COL5A2: variants seen among roughly 807,000 people sequenced by gnomAD.
The protein encoded by COL5A2 is collagen alpha-2(V) chain.
In COL5A2, 23 loss-of-function variants were observed where a neutral mutation model predicts 208.2. That is an observed-to-expected ratio of 0.11 (90% CI 0.08 to 0.16). COL5A2 has a LOEUF of 0.16. Among genes scored for constraint, COL5A2 ranks in the 10% least tolerant of loss-of-function variants. The probability of loss-of-function intolerance (pLI) is 1.00; values close to 1 mark genes in which losing one functional copy is unlikely to be tolerated. For missense variants in COL5A2, 1,590 were observed against 1,956.4 expected (o/e 0.81, Z 3.53); for synonymous variants, 625 against 628.5 (o/e 0.99, Z 0.08).
At chr2:189,343,865 A>G in the COL5A2 span, among the ~76,000 whole-genome samples, 3 of 152,306 alleles carry the variant, frequency 2.0e-5, no homozygotes, top group Admixed American at 2.0e-4. Flanking sequence ...AAACCCTGAC[A>G]CCTCAAAATA....
At chr2:189,282,592 CACACTA>C in the COL5A2 span, among the ~76,000 whole-genome samples, 1 of 152,160 alleles carries the variant, frequency 6.6e-6, no homozygotes, top group Non-Finnish European at 1.5e-5. Flanking sequence ...TAACAGAGGA[CACACTA>C]ACACTAAGAA....
At chr2:189,200,051 G>C (rs949544669) in intron 1 of COL5A2, among the ~76,000 whole-genome samples, 1 of 152,172 alleles carries the variant, frequency 6.6e-6, no homozygotes, top group Non-Finnish European at 1.5e-5. Flanking sequence ...CTACAGTCCA[G>C]TGAAGTAGCT....
intron 1 of COL5A2, among the ~76,000 whole-genome samples, chr2:189,120,942 A>G (rs1028806696): frequency 3.3e-5 from 5 of 152,254 alleles, no homozygotes; most frequent in Admixed American, 3.3e-4. Context: ...TATTCAACAA[A>G]TATTTATCTG....
At chr2:189,097,244 C>T (rs768878384) in intron 6 of COL5A2, 33 bp downstream of exon 6, 23 of 1,608,334 alleles carry the variant, frequency 1.4e-5, no homozygotes, top group Admixed American at 8.3e-5. Context: ...ACTGGCTGTA[C>T]GTTCCCCACA....
At chr2:189,254,787 CTG>C in the COL5A2 span, among the ~76,000 whole-genome samples, 2 of 152,344 alleles carry the variant, frequency 1.3e-5, no homozygotes, top group Admixed American at 6.5e-5. Context: ...GCCAGGAAAA[CTG>C]TGAATCAGAG....
the COL5A2 span, among the ~76,000 whole-genome samples, chr2:189,436,201 A>G: frequency 6.6e-6 from 1 of 152,166 alleles, no homozygotes. Context: ...AACCTAGGCA[A>G]TACCATTCAA....
chr2:189,350,335 A>C, the COL5A2 span, among the ~76,000 whole-genome samples: 1 of 152,212 alleles, frequency 6.6e-6, no homozygotes, highest in Non-Finnish European at 1.5e-5. Flanking sequence ...ATTAATTGAC[A>C]TGTTGTTTAC....
Position 189,068,128 on chromosome 2 carries a change from G to C in COL5A2, c.1303-15C>G, listed in dbSNP as rs1686193110. The C allele has an allele frequency of 6.2e-7, 1 of 1,608,704 alleles. No homozygotes were observed. Among genetic ancestry groups the C allele is most frequent in the Non-Finnish European group, 8.5e-7 (1 of 1,175,110 alleles). ...CCTGGAGAGCCCTATTAAACAGCAA[G>C]AGTGATGTGGTAAGTAGAGACACAG... On this transcript the variant is annotated splice_polypyrimidine_tract_variant and intron_variant, in intron 20 of 53. Transcript: ENST00000374866.
the COL5A2 span, among the ~76,000 whole-genome samples, chr2:189,394,398 T>G: frequency 1.3e-5 from 2 of 152,282 alleles, no homozygotes; most frequent in Admixed American, 6.5e-5. Context: ...TGATGGTATT[T>G]GGATATGGGG....
chr2:189,288,236 C>G, the COL5A2 span, among the ~76,000 whole-genome samples: 1 of 152,164 alleles, frequency 6.6e-6, no homozygotes, highest in Non-Finnish European at 1.5e-5. Flanking sequence ...CATATGTTAA[C>G]TAAAGTTATT....
the COL5A2 span, among the ~76,000 whole-genome samples, chr2:189,290,441 G>A: frequency 1.3e-5 from 2 of 152,182 alleles, no homozygotes; most frequent in Non-Finnish European, 2.9e-5. Flanking sequence ...AGGAGCATTT[G>A]CTGAGATGGA....
intron 1 of COL5A2, among the ~76,000 whole-genome samples, chr2:189,168,186 G>A (rs1260541750): frequency 1.3e-5 from 2 of 150,078 alleles, no homozygotes; most frequent in Non-Finnish European, 3.0e-5. Flanking sequence ...TGATCCGCCC[G>A]TCTTGGCCTC....
chr2:189,068,385 A>G, intron 19 of COL5A2, 115 bp from the exon 20 acceptor site: 1 of 896,846 alleles, frequency 1.1e-6, no homozygotes, highest in Non-Finnish European at 1.9e-6. Flanking sequence ...TTTTTTAAAA[A>G]TCAACCACCA....
the COL5A2 span, among the ~76,000 whole-genome samples, chr2:189,389,961 C>T: frequency 6.6e-6 from 1 of 152,090 alleles, no homozygotes; most frequent in Non-Finnish European, 1.5e-5. Context: ...TTTCATGAAA[C>T]CTGGAAACAC....
intron 30 of COL5A2, 112 bp from the exon 31 acceptor site, chr2:189,060,895 T>C (rs1686015730): frequency 8.1e-6 from 6 of 744,222 alleles, no homozygotes; most frequent in African/African-American, 1.8e-5. Flanking sequence ...ATATTTTCAA[T>C]GAAAATATAT....
chr2:189,409,503 T>C, the COL5A2 span, among the ~76,000 whole-genome samples: 1 of 152,170 alleles, frequency 6.6e-6, no homozygotes. Context: ...CGTTAGTTTG[T>C]CATTAATACT....
In COL5A2 at chr2:189,066,173, G is replaced by C. The variant is rs115184225; in HGVS notation, c.1563+217C>G. On this transcript the variant is annotated intron_variant, in intron 23 of 53. Coordinates refer to ENST00000374866, the MANE Select transcript of COL5A2 (RefSeq NM_000393.5). ...ACTGATATAATTCCAAGCACAGATG[G>C]CTCAAATTGGCATAGACTAGTGATT... Among the ~76,000 whole-genome samples the C allele has an allele frequency of 7.2e-3, 1,096 of 152,300 alleles. 11 individuals carry two copies. The highest frequency in any genetic ancestry group is 0.025 in the African/African-American group (1,022 of 41,556).
intron 30 of COL5A2, 68 bp from the exon 31 acceptor site, chr2:189,060,851 T>C: frequency 9.0e-7 from 1 of 1,115,962 alleles, no homozygotes; most frequent in Non-Finnish European, 1.4e-6. Context: ...GTGTTAACAG[T>C]TTACCTTTTA....
At chr2:189,335,706 C>T in the COL5A2 span, among the ~76,000 whole-genome samples, 1 of 151,968 alleles carries the variant, frequency 6.6e-6, no homozygotes, top group South Asian at 2.1e-4. Context: ...CCAGAATAGG[C>T]AATTCTGCAT....
Sources: gnomAD v4.1 joint callset for allele counts (sites outside exome capture counted in the v4.1 genomes callset) on GRCh38, gnomAD v4.1.1 for gene constraint, MANE v1.5 for transcripts, NCBI Gene and HGNC (gene_info 2026-07-23, HGNC 2026-07-21) for gene names.